The following CECR2 variants were observed in gnomAD, a reference collection of about 807,000 sequenced individuals.
The protein encoded by CECR2 is chromatin remodeling regulator CECR2.
Under a neutral mutation model 154.5 loss-of-function variants are expected in CECR2, and 30 were observed. The observed-to-expected ratio is 0.19, with a 90% CI of 0.15 to 0.26. The LOEUF (loss-of-function observed/expected upper bound fraction) is 0.26, where lower values mean the gene tolerates loss of function less well. Among genes scored for constraint, CECR2 ranks in the 10% least tolerant of loss-of-function variants. CECR2 has a pLI of 1.00. For synonymous variants in CECR2, 725 were observed against 683.7 expected, an observed-to-expected ratio of 1.06 and a Z score of -0.94; for missense variants, 1,743 against 1,829.3, an observed-to-expected ratio of 0.95 and a Z score of 0.86.
At chr22:17,376,355 A>G (rs1413895418) in intron 1 of CECR2, among the ~76,000 whole-genome samples, 3 of 144,808 alleles carry the variant, frequency 2.1e-5, no homozygotes, top group African/African-American at 8.0e-5. Context: ...TCGCTTTGCA[A>G]CGGAAGTTAA....
chr22:17,423,543 C>T (rs954485211), intron 1 of CECR2, among the ~76,000 whole-genome samples: 6 of 151,988 alleles, frequency 3.9e-5, no homozygotes, highest in African/African-American at 1.2e-4. Flanking sequence ...AGTGCTCTGG[C>T]CTGTTTCAGA....
chr22:17,453,319 GTAATCCCAGCTACTCGGGAA>G (rs1044620735), intron 1 of CECR2, among the ~76,000 whole-genome samples: 10 of 152,200 alleles, frequency 6.6e-5, no homozygotes, highest in African/African-American at 2.4e-4. Context: ...GCGTATGCCT[GTAATCCCAGCTACTCGGGAA>G]GCTGAGGCAG....
chr22:17,556,577 G>A lies in CECR2; in HGVS notation c.*3737G>A, dbSNP rs2056774491. On this transcript the variant is annotated 3_prime_UTR_variant, in exon 19 of 19. Transcript: ENST00000262608. ...TCTTGGTTCAATTTTTTTTTTTAAT[G>A]GACATTCAAATCTGTAAATACTACA... 1 of 151,682 alleles carries A rather than the reference G, an allele frequency of 6.6e-6. No individual in the cohort carries two copies. The highest frequency in any genetic ancestry group is 2.4e-5 in the African/African-American group (1 of 41,268). 9.4% of individuals were successfully genotyped at this position (151,682 alleles called of 1,614,324 possible).
upstream of CECR2, among the ~76,000 whole-genome samples, chr22:17,365,884 T>G (rs1321585437): frequency 6.6e-6 from 1 of 151,680 alleles, no homozygotes; most frequent in African/African-American, 2.4e-5. Context: ...GGGTGGTTCA[T>G]TTCCCAGATT....
intron 15 of CECR2, 38 bp from the exon 16 acceptor site, chr22:17,542,119 T>C (rs1434704999): frequency 3.8e-6 from 6 of 1,580,530 alleles, no homozygotes; most frequent in Non-Finnish European, 5.1e-6. Context: ...TGCCTTATTC[T>C]GTGAGTCTGT....
At chr22:17,437,737 A>AAT (rs943452946) in intron 1 of CECR2, among the ~76,000 whole-genome samples, 14 of 152,100 alleles carry the variant, frequency 9.2e-5, no homozygotes, top group African/African-American at 3.1e-4. Context: ...ATTAAAAAAA[A>AAT]TTTTAAAGTT....
chr22:17,496,182 A>G (rs1001984379), intron 2 of CECR2, among the ~76,000 whole-genome samples: 2 of 152,170 alleles, frequency 1.3e-5, no homozygotes, highest in African/African-American at 2.4e-5. Context: ...CCTGGGCAAC[A>G]TGCTGAGACC....
At chr22:17,531,948 T>TA (rs1250525826) in intron 9 of CECR2, among the ~76,000 whole-genome samples, 1 of 152,076 alleles carries the variant, frequency 6.6e-6, no homozygotes, top group Non-Finnish European at 1.5e-5. Flanking sequence ...GCAGGAGAAT[T>TA]ACTTGAGTCC....
chr22:17,511,419 G>A (rs568877672), intron 7 of CECR2, among the ~76,000 whole-genome samples: 11 of 152,036 alleles, frequency 7.2e-5, no homozygotes, highest in South Asian at 6.2e-4. Context: ...GCCTTTGCCC[G>A]GCGGCCCACC....
intron 1 of CECR2, among the ~76,000 whole-genome samples, chr22:17,394,033 A>G (rs544803352): frequency 5.3e-5 from 8 of 151,476 alleles, no homozygotes; most frequent in Non-Finnish European, 7.4e-5. Context: ...GATTACAGGC[A>G]TGCAGCACCA....
chr22:17,419,849 A>G, intron 1 of CECR2: 1 of 273,660 alleles, frequency 3.7e-6, no homozygotes, highest in Non-Finnish European at 7.3e-6. Flanking sequence ...GTTTCGAAAG[A>G]AATAATTGGC....
At chr22:17,438,652 T>C (rs554302700) in intron 1 of CECR2, among the ~76,000 whole-genome samples, 1 of 151,868 alleles carries the variant, frequency 6.6e-6, no homozygotes, top group South Asian at 2.1e-4. Flanking sequence ...TTAAAGCTCA[T>C]CAGGTATCAT....
At position 17,468,059 on chromosome 22, in the gene CECR2, G is replaced by A. The variant is rs115294896; in HGVS notation, c.127-9529G>A. Among the ~76,000 whole-genome samples the A allele has an allele frequency of 6.3e-3, 957 of 152,272 alleles. 11 individuals are homozygous for A. The highest frequency in any genetic ancestry group is 0.022 in the African/African-American group (911 of 41,566). The stretch of plus-strand genomic sequence containing the variant: ...CGTCTTTTGTAGCCCCTTAAACGGG[G>A]CTTGTCTTTTGTTTTTGCTATGGAG... On this transcript the variant is annotated intron_variant, in intron 1 of 18. Coordinates refer to ENST00000262608, the MANE Select transcript of CECR2 (RefSeq NM_001290047.2).
chr22:17,435,216 T>A (rs1424398870), intron 1 of CECR2, among the ~76,000 whole-genome samples: 1 of 152,128 alleles, frequency 6.6e-6, no homozygotes, highest in South Asian at 2.1e-4. Flanking sequence ...TCTTTTTTTT[T>A]AATGTTGGAC....
At chr22:17,496,358 G>T (rs1205146209) in intron 2 of CECR2, among the ~76,000 whole-genome samples, 2 of 152,036 alleles carry the variant, frequency 1.3e-5, no homozygotes, top group Non-Finnish European at 1.5e-5. Context: ...AAATTAGCCG[G>T]GCATGGTGGT....
chr22:17,365,504 C>T (rs1374315998), upstream of CECR2, among the ~76,000 whole-genome samples: 1 of 151,862 alleles, frequency 6.6e-6, no homozygotes, highest in East Asian at 1.9e-4. Context: ...ACCAGCCTGG[C>T]TAACACGGTG....
intron 1 of CECR2, among the ~76,000 whole-genome samples, chr22:17,360,859 C>T (rs1435758854): frequency 6.6e-6 from 1 of 150,382 alleles, no homozygotes; most frequent in Non-Finnish European, 1.5e-5. Context: ...AACAAACAAA[C>T]AAACAAACAA....
At chr22:17,421,301 T>C (rs973539938) in intron 1 of CECR2, among the ~76,000 whole-genome samples, 3 of 151,854 alleles carry the variant, frequency 2.0e-5, no homozygotes, top group African/African-American at 7.3e-5. Context: ...AAACCCCGTC[T>C]CTACTAAAAA....
intron 6 of CECR2, among the ~76,000 whole-genome samples, chr22:17,504,264 T>A (rs1297149539): frequency 6.6e-6 from 1 of 151,606 alleles, no homozygotes; most frequent in East Asian, 1.9e-4. Flanking sequence ...TCCCAGCTAC[T>A]TGGGGGGTGC....
Sources: gnomAD v4.1 joint callset for allele counts (sites outside exome capture counted in the v4.1 genomes callset) on GRCh38, gnomAD v4.1.1 for gene constraint, MANE v1.5 for transcripts, NCBI Gene and HGNC (gene_info 2026-07-23, HGNC 2026-07-21) for gene names.